The following SLC4A4 variants were observed in gnomAD, a reference collection of about 807,000 sequenced individuals.
The protein encoded by SLC4A4 is electrogenic sodium bicarbonate cotransporter 1.
SLC4A4 carries 27 observed loss-of-function variants against 111.5 expected under a neutral mutation model. The observed-to-expected ratio is 0.24, with a 90% CI of 0.18 to 0.33. The LOEUF (loss-of-function observed/expected upper bound fraction) is 0.33, where lower values mean the gene tolerates loss of function less well. Among genes scored for constraint, SLC4A4 ranks in the 10% least tolerant of loss-of-function variants. SLC4A4 has a pLI of 1.00. For missense variants in SLC4A4, 909 were observed against 1,315.5 expected (o/e 0.69, Z 4.78); for synonymous variants, 443 against 463.4 (o/e 0.96, Z 0.57).
At chr4:71,520,119 CT>C (rs1263702391) in intron 16 of SLC4A4, among the ~76,000 whole-genome samples, 1 of 152,140 alleles carries the variant, frequency 6.6e-6, no homozygotes, top group Non-Finnish European at 1.5e-5. Flanking sequence ...ATAAGACAGG[CT>C]TTTATAGCTG....
chr4:71,109,461 C>T (rs1035461601), intron 2 of SLC4A4, among the ~76,000 whole-genome samples: 5 of 152,130 alleles, frequency 3.3e-5, no homozygotes, highest in African/African-American at 9.7e-5. Context: ...TGTTGCATCT[C>T]TGTGATCAGA....
intron 8 of SLC4A4, among the ~76,000 whole-genome samples, chr4:71,442,584 C>T (rs1724828850): frequency 6.6e-6 from 1 of 152,066 alleles, no homozygotes; most frequent in South Asian, 2.1e-4. Context: ...GGAAATCCCA[C>T]AAGGAATGTG....
chr4:71,437,398 T>C, intron 7 of SLC4A4: 1 of 307,426 alleles, frequency 3.3e-6, no homozygotes, highest in Non-Finnish European at 6.4e-6. Flanking sequence ...GTGGTGGGGA[T>C]TGCATCGGGT....
intron 7 of SLC4A4, among the ~76,000 whole-genome samples, chr4:71,405,006 C>T (rs1277348211): frequency 1.3e-5 from 2 of 151,266 alleles, no homozygotes; most frequent in East Asian, 1.9e-4. Flanking sequence ...TTGAGACATG[C>T]AGTTTTGCCA....
At chr4:71,086,549 G>C (rs1466791985) in intron 1 of SLC4A4, among the ~76,000 whole-genome samples, 1 of 151,968 alleles carries the variant, frequency 6.6e-6, no homozygotes, top group African/African-American at 2.4e-5. Context: ...GTTTATCATA[G>C]ATAGCTCTTA....
At chr4:71,320,455 C>T (rs72650331) in intron 3 of SLC4A4, among the ~76,000 whole-genome samples, 7 of 152,112 alleles carry the variant, frequency 4.6e-5, no homozygotes, top group African/African-American at 7.2e-5. Flanking sequence ...TGTAGGAGTT[C>T]CCTGACTCAT....
At chr4:71,341,167 T>A (rs1399601607) in intron 4 of SLC4A4, among the ~76,000 whole-genome samples, 1 of 152,166 alleles carries the variant, frequency 6.6e-6, no homozygotes. Flanking sequence ...GTTATTTGAA[T>A]GAATAGTTTA....
At chr4:71,464,776 TATTGCTA>T (rs1328991587) in intron 12 of SLC4A4, among the ~76,000 whole-genome samples, 1 of 152,178 alleles carries the variant, frequency 6.6e-6, no homozygotes, top group Non-Finnish European at 1.5e-5. Flanking sequence ...GAGGATGTGC[TATTGCTA>T]ATGTCAATCT....
chr4:71,071,135 G>C (rs1165284494), intron 1 of SLC4A4, among the ~76,000 whole-genome samples: 1 of 152,006 alleles, frequency 6.6e-6, no homozygotes. Flanking sequence ...GCTGACCACA[G>C]TGGCACACTC....
intron 2 of SLC4A4, among the ~76,000 whole-genome samples, chr4:71,109,964 G>A (rs578259124): frequency 6.6e-6 from 1 of 152,262 alleles, no homozygotes; most frequent in South Asian, 2.1e-4. Context: ...GTGGGATGGG[G>A]GTGGAAGGAG....
intron 6 of SLC4A4, among the ~76,000 whole-genome samples, chr4:71,378,773 G>A (rs1287882349): frequency 1.3e-5 from 2 of 152,146 alleles, no homozygotes; most frequent in Non-Finnish European, 2.9e-5. Flanking sequence ...TCAGAAACGA[G>A]GCTTTTCTTT....
intron 16 of SLC4A4, among the ~76,000 whole-genome samples, chr4:71,524,202 G>A (rs916473174): frequency 7.9e-5 from 12 of 151,956 alleles, no homozygotes; most frequent in East Asian, 1.9e-4. Context: ...CAAATCCTCC[G>A]GCTGACCTTT....
At position 71,265,524 on chromosome 4, in the gene SLC4A4, A is replaced by G. The variant is rs909203548; in HGVS notation, c.253+10125A>G. On this transcript the variant is annotated intron_variant, in intron 3 of 25. Coordinates refer to ENST00000264485, the MANE Select transcript of SLC4A4 (RefSeq NM_001098484.3). ...GAAGCAGAGGAAGTAGAAGAATGCC[A>G]TCAAGAAAGACAATGAGATTAAAGA... Among the ~76,000 whole-genome samples the G allele has an allele frequency of 2.0e-5, 3 of 152,182 alleles. No homozygotes were observed. In the East Asian group the frequency reaches 5.8e-4, roughly 29 times the overall value.
rs187902890 is a variant in SLC4A4, at chr4:71,202,841, A to C, written c.-2+15440A>C. On this transcript the variant is annotated intron_variant, in intron 1 of 25. Transcript: ENST00000264485. ...AGTAATCATCAAGCTGTCAACAAGA[A>C]ATTTTGTTTTAGCTTAACTTTCTTA... is the stretch of plus-strand genomic sequence containing the variant. 7.9e-5 allele frequency among the ~76,000 whole-genome samples: 12 copies of C among 152,228 alleles called. No individual in the cohort carries two copies. The East Asian group carries it at 2.3e-3, about 29-fold the overall frequency.
At chr4:71,148,740 A>G (rs545518686) in intron 2 of SLC4A4, among the ~76,000 whole-genome samples, 98 of 152,260 alleles carry the variant, frequency 6.4e-4, no homozygotes, top group Non-Finnish European at 1.0e-3. Context: ...GTTCTTTTTT[A>G]TGGCTGCATA....
At chr4:71,385,443 C>G (rs1209407570) in intron 6 of SLC4A4, among the ~76,000 whole-genome samples, 1 of 151,658 alleles carries the variant, frequency 6.6e-6, no homozygotes, top group Non-Finnish European at 1.5e-5. Flanking sequence ...GGCAATCCGC[C>G]CACCTCAGCC....
chr4:71,448,044 G>T (rs566348965), intron 9 of SLC4A4, among the ~76,000 whole-genome samples: 2 of 152,240 alleles, frequency 1.3e-5, no homozygotes, highest in South Asian at 4.2e-4. Flanking sequence ...AGTCAGCTGG[G>T]CATGGTGGCT....
At chr4:71,503,245 T>C (rs1034939609) in intron 16 of SLC4A4, among the ~76,000 whole-genome samples, 3 of 151,958 alleles carry the variant, frequency 2.0e-5, no homozygotes, top group Non-Finnish European at 4.4e-5. Flanking sequence ...TTTGGTCTTT[T>C]TTTTTTTTTG....
At chr4:71,183,353 T>C (rs984311410), upstream of SLC4A4, among the ~76,000 whole-genome samples, 1 of 152,222 alleles carries the variant, frequency 6.6e-6, no homozygotes, top group African/African-American at 2.4e-5. Context: ...TAAAATTATT[T>C]TCCCCAGCTC....
Sources: allele counts gnomAD v4.1 joint callset (sites outside exome capture counted in the v4.1 genomes callset), GRCh38; gene constraint gnomAD v4.1.1; transcripts MANE v1.5; gene names NCBI Gene and HGNC (gene_info 2026-07-23, HGNC 2026-07-21).